Variants in RBM47 observed in about 807,000 individuals in gnomAD.
RBM47 encodes RNA binding motif protein 47, also known as RNA-binding protein 47.
Under a neutral mutation model 47.1 loss-of-function variants are expected in RBM47, and 21 were observed. That is an observed-to-expected ratio of 0.45 (90% CI 0.32 to 0.64). The LOEUF is 0.64. Among genes scored for constraint, RBM47 ranks in the 30% least tolerant of loss-of-function variants. The pLI, the probability that RBM47 is intolerant of heterozygous loss-of-function variation, is 0.05. For missense variants in RBM47, 708 were observed against 870.9 expected, an observed-to-expected ratio of 0.81 and a Z score of 2.35; for synonymous variants, 375 against 361.7, an observed-to-expected ratio of 1.04 and a Z score of -0.42.
chr4:40,459,929 T>C (rs1716855174), intron 3 of RBM47, among the ~76,000 whole-genome samples: 1 of 152,188 alleles, frequency 6.6e-6, no homozygotes, highest in African/African-American at 2.4e-5. Context: ...GCTAATTTTG[T>C]ATTTTTAGTA....
intron 1 of RBM47, among the ~76,000 whole-genome samples, chr4:40,623,507 C>T (rs886121732): frequency 2.0e-5 from 3 of 152,034 alleles, no homozygotes; most frequent in African/African-American, 4.8e-5. Context: ...GTTGACCCTC[C>T]GTATTTTTTA....
chr4:40,437,073 C>T (rs1004718127), intron 4 of RBM47, among the ~76,000 whole-genome samples: 1 of 21,290 alleles, frequency 4.7e-5, no homozygotes, highest in Non-Finnish European at 8.3e-5. Context: ...GACCCTGTCT[C>T]AAAAAAAAAA....
chr4:40,438,699 C>G lies in RBM47; in HGVS notation c.195G>C (p.Pro65=). The G allele has an allele frequency of 6.2e-7, 1 of 1,610,986 alleles. No individual in the cohort carries two copies. The highest frequency in any genetic ancestry group is 8.5e-7 in the Non-Finnish European group (1 of 1,179,002). Residue 65 remains proline, a synonymous_variant, in exon 4 of 7, where the codon CCG becomes CCC. Transcript: ENST00000295971. The part of the protein sequence containing the change: ...YGGPPPGWEG[P]HPQRGCEVFV... ...AGACCTCGCAGCCACGCTGCGGGTG[C>G]GGGCCCTCCCAGCCGGGCGGTGGGC...
chr4:40,488,912 G>C (rs1240615468), intron 2 of RBM47, among the ~76,000 whole-genome samples: 1 of 152,308 alleles, frequency 6.6e-6, no homozygotes, highest in East Asian at 1.9e-4. Flanking sequence ...CTATTTTGCA[G>C]ATGTGGAGAC....
At chr4:40,572,955 T>A (rs1560478286) in intron 1 of RBM47, among the ~76,000 whole-genome samples, 1 of 151,326 alleles carries the variant, frequency 6.6e-6, no homozygotes, top group Non-Finnish European at 1.5e-5. Flanking sequence ...AGTTCAAGAC[T>A]AGCCTGGCCA....
chr4:40,430,182 G>A (rs888146702), intron 6 of RBM47, among the ~76,000 whole-genome samples: 2 of 151,802 alleles, frequency 1.3e-5, no homozygotes, highest in African/African-American at 4.8e-5. Flanking sequence ...GCGACAGAGC[G>A]AGACACCGTC....
At chr4:40,518,081 T>C (rs564821257) in intron 2 of RBM47, among the ~76,000 whole-genome samples, 94 of 151,592 alleles carry the variant, frequency 6.2e-4, no homozygotes, top group Admixed American at 3.0e-3. Context: ...GATGAGAAAA[T>C]GGGATTATGA....
chr4:40,579,518 A>G (rs1164182275), intron 1 of RBM47, among the ~76,000 whole-genome samples: 1 of 152,014 alleles, frequency 6.6e-6, no homozygotes, highest in Admixed American at 6.6e-5. Flanking sequence ...CTTTAAGGGT[A>G]ATTATTTAAA....
At chr4:40,524,636 C>A (rs549664103) in intron 2 of RBM47, among the ~76,000 whole-genome samples, 1 of 152,306 alleles carries the variant, frequency 6.6e-6, no homozygotes, top group East Asian at 1.9e-4. Context: ...ATGACAACAG[C>A]ATAGTTCTGG....
Position 40,457,436 on chromosome 4 carries a change from A to AC in RBM47, c.-32+9140_-32+9141insG, listed in dbSNP as rs1716458525. On this transcript the variant is annotated intron_variant, in intron 3 of 6. Coordinates refer to ENST00000295971, the MANE Select transcript of RBM47 (RefSeq NM_001098634.2). ...AGACTCCATCTCAAAAAAAAAAAAA[A>AC]AACAAAAAAAAGGCATTTTAAAATT... 2.0e-5 allele frequency among the ~76,000 whole-genome samples: 3 copies of AC among 151,818 alleles called. No individual in the cohort carries two copies. In the South Asian group the frequency reaches 6.2e-4, roughly 32 times the overall value.
At chr4:40,584,168 T>C (rs1470321769) in intron 1 of RBM47, among the ~76,000 whole-genome samples, 4 of 152,190 alleles carry the variant, frequency 2.6e-5, no homozygotes, top group Non-Finnish European at 4.4e-5. Flanking sequence ...TTCACCATGT[T>C]GCCCAGGCTG....
chr4:40,581,167 A>T (rs1732869729), intron 1 of RBM47, among the ~76,000 whole-genome samples: 1 of 152,090 alleles, frequency 6.6e-6, no homozygotes, highest in Admixed American at 6.5e-5. Context: ...CAGGCCTATA[A>T]TCCCAGTACT....
rs529967458 is a variant in RBM47, at chr4:40,573,102, G to A, written c.-239-28596C>T. 2.2e-5 allele frequency among the ~76,000 whole-genome samples: 3 copies of A among 137,954 alleles called. No individual in the cohort carries two copies. In the South Asian group the frequency reaches 6.7e-4, roughly 31 times the overall value. The allele number at this position is 137,954 out of a possible 152,430, so 90.5% of individuals were successfully genotyped here. ...CAGGAGGCAGAGGTTGCAATGAGCC[G>A]ACATTGCGCCATTATACTCCAGACT... On this transcript the variant is annotated intron_variant, in intron 1 of 6. Transcript: ENST00000295971.
chr4:40,495,088 C>A (rs573077172), intron 2 of RBM47, among the ~76,000 whole-genome samples: 4 of 152,114 alleles, frequency 2.6e-5, no homozygotes, highest in Non-Finnish European at 5.9e-5. Context: ...ACTACAGGCA[C>A]GCCCCACCAT....
At chr4:40,445,162 C>CT (rs558524028) in intron 3 of RBM47, among the ~76,000 whole-genome samples, 23,792 of 151,440 alleles carry the variant, frequency 0.16, 1,996 homozygotes, top group East Asian at 0.39. Context: ...TAGTCCCAGC[C>CT]ACAGGGGAGG....
intron 6 of RBM47, among the ~76,000 whole-genome samples, chr4:40,428,680 G>A (rs1378956893): frequency 6.6e-6 from 1 of 152,212 alleles, no homozygotes; most frequent in Non-Finnish European, 1.5e-5. Flanking sequence ...CCAACACCAA[G>A]TTTTGCACAT....
intron 3 of RBM47, among the ~76,000 whole-genome samples, chr4:40,451,082 C>A (rs192596369): frequency 0.023 from 3,459 of 151,308 alleles, 64 homozygotes; most frequent in Middle Eastern, 0.044. Flanking sequence ...CACAGTGGCT[C>A]ACGCCTGTAA....
In RBM47 at chr4:40,437,892, G is replaced by A. The variant is rs759548015; in HGVS notation, c.1002C>T (p.Gly334=). ...GCTGCTGCGCTGCCTCAGCCGCGCC[G>A]CCGCCCCTGGCTGCCTTCTGGTAGC... ...YSRYQKAARG[G]GAAEAAQQPS... Residue 334 remains glycine, a synonymous_variant, in exon 4 of 7, where the codon GGC becomes GGT. Transcript: ENST00000295971. The A allele has an allele frequency of 1.1e-5, 17 of 1,613,752 alleles. No individual in the cohort carries two copies. Among genetic ancestry groups the A allele is most frequent in the African/African-American group, 2.7e-5 (2 of 74,946 alleles).
chr4:40,605,563 G>T (rs901855597), intron 1 of RBM47, among the ~76,000 whole-genome samples: 5 of 152,036 alleles, frequency 3.3e-5, no homozygotes, highest in Non-Finnish European at 7.4e-5. Context: ...GGGCACGGTG[G>T]CTCACGCCTG....
Sources: gnomAD v4.1 joint callset for allele counts (sites outside exome capture counted in the v4.1 genomes callset) on GRCh38, gnomAD v4.1.1 for gene constraint, MANE v1.5 for transcripts, NCBI Gene and HGNC (gene_info 2026-07-23, HGNC 2026-07-21) for gene names.